The following RPL11 variants were observed in gnomAD, a reference collection of about 807,000 sequenced individuals.
RPL11 encodes the protein ribosomal protein L11.
RPL11 carries 3 observed loss-of-function variants against 24.1 expected under a neutral mutation model. The observed-to-expected ratio is 0.12, with a 90% CI of 0.06 to 0.32. The LOEUF is 0.32. Among genes scored for constraint, RPL11 ranks in the 10% least tolerant of loss-of-function variants. The pLI is 1.00. For synonymous variants in RPL11, 96 were observed against 75.7 expected, an observed-to-expected ratio of 1.27 and a Z score of -1.39; for missense variants, 146 against 225.7, an observed-to-expected ratio of 0.65 and a Z score of 2.26.
At chr1:23,692,459 G>T in intron 1 of RPL11, 150 bp from the exon 2 acceptor site, 1 of 946,852 alleles carries the variant, frequency 1.1e-6, no homozygotes, top group Non-Finnish European at 1.6e-6. Flanking sequence ...TTCTTCCCTT[G>T]ATGTCCCCTA....
chr1:23,695,436 A>T (rs1383499903), intron 4 of RPL11: 2 of 317,708 alleles, frequency 6.3e-6, no homozygotes, highest in Admixed American at 8.9e-5. Context: ...AAATATATAT[A>T]TTTGTGCTTC....
chr1:23,696,617 C>T lies in RPL11; in HGVS notation c.*244C>T, dbSNP rs1339357532. ...TGCTTGCCACACCTTGGTTGATGTG[C>T]TGTGGTGCAGTAGCCCCATTTGGAG... On this transcript the variant is annotated 3_prime_UTR_variant, in exon 6 of 6. Coordinates refer to ENST00000643754, the MANE Select transcript of RPL11 (RefSeq NM_000975.5). The T allele has an allele frequency of 5.1e-6, 3 of 587,496 alleles. No individual in the cohort carries two copies. The highest frequency in any genetic ancestry group is 2.9e-5 in the East Asian group (1 of 34,144). 36.4% of individuals were successfully genotyped at this position (587,496 alleles called of 1,614,324 possible). A position where few individuals can be genotyped will look rare whatever the true frequency, so the allele number is the denominator to read the frequency against.
At chr1:23,692,040 C>A in intron 1 of RPL11, 1 of 672,828 alleles carries the variant, frequency 1.5e-6, no homozygotes, top group South Asian at 1.8e-5. Flanking sequence ...CGGGCACTTG[C>A]CCGGAGTGCT....
chr1:23,692,068 G>A (rs1644503374), intron 1 of RPL11: 4 of 608,290 alleles, frequency 6.6e-6, no homozygotes, highest in African/African-American at 5.6e-5. Flanking sequence ...ACGGTCAGGA[G>A]GCTGCAGCGG....
At position 23,696,457 on chromosome 1, in the gene RPL11, C is replaced by T. The variant is rs1644533361; in HGVS notation, c.*84C>T. The T allele has an allele frequency of 1.4e-6, 2 of 1,422,612 alleles. No individual in the cohort carries two copies. Among genetic ancestry groups the T allele is most frequent in the Non-Finnish European group, 2.0e-6 (2 of 1,010,214 alleles). 88.1% of individuals were successfully genotyped at this position (1,422,612 alleles called of 1,614,324 possible). On this transcript the variant is annotated 3_prime_UTR_variant, in exon 6 of 6. Transcript: ENST00000643754. ...TGTGTGTTCTGTGAAAGGATCCTGGCCATATTCAAGTCCTTGGACCTCAAG... is the reference window on the plus strand; with the variant it reads ...TGTGTGTTCTGTGAAAGGATCCTGGTCATATTCAAGTCCTTGGACCTCAAG...
chr1:23,693,929 T>TA lies in RPL11; in HGVS notation c.264+18dup, dbSNP rs1371416808. On this transcript the variant is annotated intron_variant, in intron 3 of 5. Transcript: ENST00000643754. ...GGGTCTAAAGGTGAGCCTAATCCCC[T>TA]AATGGAGTGATATTGATCAGCACTC... 1 of 1,577,398 alleles carries TA rather than the reference T, an allele frequency of 6.3e-7. No homozygotes were observed. The highest frequency in any genetic ancestry group is 8.7e-7 in the Non-Finnish European group (1 of 1,146,510).
chr1:23,696,299 G>C (rs747093688), intron 5 of RPL11, 45 bp from the exon 6 acceptor site: 13 of 1,589,308 alleles, frequency 8.2e-6, no homozygotes, highest in African/African-American at 5.4e-5. Flanking sequence ...TGCAATCTCT[G>C]CTGTTGCCTC....
At chr1:23,693,726 C>T in intron 2 of RPL11, 81 bp from the exon 3 acceptor site, 1 of 930,212 alleles carries the variant, frequency 1.1e-6, no homozygotes, top group African/African-American at 1.6e-5. Flanking sequence ...CTCTTTAAGT[C>T]ATGGAGATGG....
chr1:23,695,467 C>G (rs1644527749), intron 4 of RPL11: 1 of 365,822 alleles, frequency 2.7e-6, no homozygotes, highest in East Asian at 6.3e-5. Context: ...ATGTTTTCTA[C>G]ACTGCTGGTG....
chr1:23,692,312 A>G, intron 1 of RPL11: 1 of 442,394 alleles, frequency 2.3e-6, no homozygotes, highest in East Asian at 4.6e-5. Flanking sequence ...AGTTGGCCTT[A>G]CAATGGGGGC....
chr1:23,695,693 G>A (rs974915207), intron 4 of RPL11, 105 bp from the exon 5 acceptor site: 13 of 1,049,334 alleles, frequency 1.2e-5, no homozygotes, highest in East Asian at 1.0e-4. Context: ...AGAATCCATT[G>A]GGCTGCCAAG....
rs753639398 is a variant in RPL11 at position 23,694,663 on chromosome 1, C to T, written c.268C>T (p.Arg90Trp). Residue 90 changes from arginine to tryptophan, a missense_variant, in exon 4 of 6, where the codon CGG becomes TGG. Transcript: ENST00000643754. ...ATTGCTGCATTTTTCTCCACAGGTG[C>T]GGGAGTATGAGTTAAGAAAAAACAA... is the stretch of plus-strand genomic sequence containing the variant. The part of the protein sequence containing the change: ...EEILEKGLKV[R>W]EYELRKNNFS... The T allele has an allele frequency of 6.2e-6, 10 of 1,613,622 alleles. No homozygotes were observed. The South Asian group carries it at 7.7e-5, about 12-fold the overall frequency.
At position 23,691,867 on chromosome 1, in the gene RPL11, G is replaced by T. The variant is rs762152345; in HGVS notation, c.6+38G>T. On this transcript the variant is annotated intron_variant, in intron 1 of 5. Transcript: ENST00000643754. ...GACCTGGATTTGCTTTCCTTTATCC[G>T]TCGCCATCCATGGCAGGCCGAGCCT... 4.3e-6 allele frequency: 7 copies of T among 1,613,926 alleles called. No individual in the cohort carries two copies. The African/African-American group carries it at 9.3e-5, about 22-fold the overall frequency.
At chr1:23,694,920 C>G (rs1232007176) in intron 4 of RPL11, 129 bp downstream of exon 4, 2 of 1,439,924 alleles carry the variant, frequency 1.4e-6, no homozygotes, top group African/African-American at 2.8e-5. Context: ...TGTTCTCCTC[C>G]CCCTTGGGGA....
chr1:23,694,824 C>T (rs369294702), intron 4 of RPL11, 33 bp downstream of exon 4: 22 of 1,613,738 alleles, frequency 1.4e-5, no homozygotes, highest in Non-Finnish European at 1.6e-5. Context: ...CGCTCCTGGT[C>T]TGTGAGGAGA....
intron 2 of RPL11, 134 bp downstream of exon 2, chr1:23,692,893 G>C: frequency 9.8e-7 from 1 of 1,023,724 alleles, no homozygotes; most frequent in Non-Finnish European, 1.4e-6. Flanking sequence ...AGCCGGCCAA[G>C]AGGTGTCTTT....
intron 4 of RPL11, chr1:23,695,546 C>T (rs1160549701): frequency 6.4e-5 from 34 of 534,854 alleles, no homozygotes; most frequent in Non-Finnish European, 8.5e-5. Flanking sequence ...ATGGAGGATC[C>T]TCAGCACCAC....
At position 23,695,655 on chromosome 1, in the gene RPL11, G is replaced by A. The variant is rs1025331030; in HGVS notation, c.397-143G>A. On this transcript the variant is annotated intron_variant, in intron 4 of 5. Coordinates refer to ENST00000643754, the MANE Select transcript of RPL11 (RefSeq NM_000975.5). ...TGCGTGGGATGCTGGTGGCAGCTTTGTCAGACACAGATCATGGGTCTTGCT... is the reference window on the plus strand; with the variant it reads ...TGCGTGGGATGCTGGTGGCAGCTTTATCAGACACAGATCATGGGTCTTGCT... The A allele has an allele frequency of 7.6e-6, 6 of 793,516 alleles. No homozygotes were observed. In the African/African-American group the frequency reaches 8.5e-5, roughly 11 times the overall value. The allele number at this position is 793,516 out of a possible 1,614,324, so 49.2% of individuals were successfully genotyped here. A position where few individuals can be genotyped will look rare whatever the true frequency, so the allele number is the denominator to read the frequency against.
At chr1:23,691,894 C>CG in intron 1 of RPL11, 65 bp downstream of exon 1, 1 of 1,609,234 alleles carries the variant, frequency 6.2e-7, no homozygotes, top group Non-Finnish European at 8.5e-7. Flanking sequence ...GCCGAGCCTG[C>CG]GGGGGCTACT....
Sources: gnomAD v4.1 joint callset for allele counts on GRCh38, gnomAD v4.1.1 for gene constraint, MANE v1.5 for transcripts, NCBI Gene and HGNC (gene_info 2026-07-23, HGNC 2026-07-21) for gene names.